The following KIF26B variants were observed in gnomAD, a reference collection of about 807,000 sequenced individuals.
The protein encoded by KIF26B is kinesin-like protein KIF26B.
A neutral mutation model predicts 151.2 loss-of-function variants in KIF26B; 63 were observed. The ratio of observed to expected loss-of-function variants is 0.42; its 90% CI spans 0.34 to 0.51. The LOEUF is 0.51. Ranked by LOEUF, KIF26B falls within the 20% of genes least tolerant of loss-of-function variation. The pLI is 0.07. For missense variants in KIF26B, 2,813 were observed against 2,913.6 expected, an observed-to-expected ratio of 0.97 and a Z score of 0.79; for synonymous variants, 1,357 against 1,262.1, an observed-to-expected ratio of 1.08 and a Z score of -1.59.
intron 2 of KIF26B, among the ~76,000 whole-genome samples, chr1:245,276,656 G>A (rs979583453): frequency 6.6e-6 from 1 of 152,178 alleles, no homozygotes; most frequent in African/African-American, 2.4e-5. Flanking sequence ...CTTACACTGT[G>A]CTGACCTGGG....
chr1:245,213,385 C>T (rs549765049), intron 2 of KIF26B, among the ~76,000 whole-genome samples: 3 of 152,328 alleles, frequency 2.0e-5, no homozygotes, highest in Non-Finnish European at 4.4e-5. Context: ...AGGGTCTGCC[C>T]ATTTCTCATG....
chr1:245,273,501 T>A (rs922171051), intron 2 of KIF26B, among the ~76,000 whole-genome samples: 1 of 152,126 alleles, frequency 6.6e-6, no homozygotes, highest in Admixed American at 6.5e-5. Flanking sequence ...GCTTCCTATT[T>A]CTCTTTTCAA....
Position 245,688,356 on chromosome 1 carries a change from G to A in KIF26B, c.5373G>A (p.Arg1791=). 1 of 1,569,820 alleles carries A rather than the reference G, an allele frequency of 6.4e-7. No homozygotes were observed. Among genetic ancestry groups the A allele is most frequent in the Non-Finnish European group, 8.6e-7 (1 of 1,166,444 alleles). The change falls in exon 12 of 15, where the codon AGG becomes AGA. Residue 1791 remains arginine, a synonymous_variant. Transcript: ENST00000407071. ...CCACGCAGTCCCTCAGCAGGAACAG[G>A]AGCTCGGGCCTGGCCTCCAAGCTTC... ...PWSTQSLSRN[R]SSGLASKLPL...
chr1:245,503,736 G>A (rs969240447), intron 4 of KIF26B, among the ~76,000 whole-genome samples: 8 of 152,234 alleles, frequency 5.3e-5, no homozygotes, highest in Non-Finnish European at 5.9e-5. Context: ...TGGACTTGGA[G>A]CTAGAACTTG....
rs370877837 is a variant in KIF26B, at chr1:245,247,319, G to A, written c.465+90636G>A. Among the ~76,000 whole-genome samples, 25 of 151,650 alleles carry A rather than the reference G, an allele frequency of 1.6e-4. No homozygotes were observed. In the South Asian group the frequency reaches 4.0e-3, roughly 24 times the overall value. On this transcript the variant is annotated intron_variant, in intron 2 of 14. Transcript: ENST00000407071. ...AAAAAAAAAAAAAAATTAGCTGGGC[G>A]TGGTGGTGCTCACCTATAATCCCAG...
intron 2 of KIF26B, among the ~76,000 whole-genome samples, chr1:245,195,699 G>A (rs1377340893): frequency 6.6e-6 from 1 of 152,178 alleles, no homozygotes; most frequent in Non-Finnish European, 1.5e-5. Flanking sequence ...GTCAGGTGTT[G>A]TTTTTCCGCC....
chr1:245,240,679 G>A (rs1172800230), intron 2 of KIF26B, among the ~76,000 whole-genome samples: 1 of 152,194 alleles, frequency 6.6e-6, no homozygotes, highest in South Asian at 2.1e-4. Context: ...CAGCAGAGAA[G>A]AGCAACAAGG....
chr1:245,369,384 G>A (rs184790628), intron 3 of KIF26B, among the ~76,000 whole-genome samples: 57 of 152,310 alleles, frequency 3.7e-4, no homozygotes, highest in East Asian at 3.1e-3. Flanking sequence ...ATAAAATGCC[G>A]GGTGACTTTC....
chr1:245,529,853 C>CAGCACAGGAAACAATCAACAAGGTGAAG (rs1393472980), intron 4 of KIF26B, among the ~76,000 whole-genome samples: 1 of 152,026 alleles, frequency 6.6e-6, no homozygotes, highest in East Asian at 1.9e-4. Context: ...AGCTGCCGCA[C>CAGCACAGGAAACAATCAACAAGGTGAAG]AGCACAGGAA....
At chr1:245,314,359 G>A (rs1254104253) in intron 2 of KIF26B, among the ~76,000 whole-genome samples, 2 of 152,198 alleles carry the variant, frequency 1.3e-5, no homozygotes, top group Non-Finnish European at 2.9e-5. Flanking sequence ...GGCCGAGGCA[G>A]GAGAATCGCT....
At chr1:245,290,656 T>C (rs967927501) in intron 2 of KIF26B, among the ~76,000 whole-genome samples, 3 of 152,212 alleles carry the variant, frequency 2.0e-5, no homozygotes, top group Non-Finnish European at 4.4e-5. Context: ...CAACCTGTTT[T>C]ATCGGCAGGG....
intron 4 of KIF26B, among the ~76,000 whole-genome samples, chr1:245,466,044 C>A (rs1278438940): frequency 3.9e-5 from 6 of 152,236 alleles, no homozygotes; most frequent in African/African-American, 1.2e-4. Context: ...ACGAGCATCT[C>A]ATGAAAACAG....
Position 245,688,762 on chromosome 1 carries a change from G to T in KIF26B, c.5779G>T (p.Gly1927Cys). Residue 1927 changes from glycine to cysteine, a missense_variant, in exon 12 of 15, where the codon GGC becomes TGC. Gly to Cys is a radical substitution (Grantham distance 159). Transcript: ENST00000407071. Reference sequence around the variant, plus strand: ...GAGCGAGAACAGCAGCTCCGTGGGCGGCAGGTGCCGGAGCCTCAAGACCCC... The same window carrying T: ...GAGCGAGAACAGCAGCTCCGTGGGCTGCAGGTGCCGGAGCCTCAAGACCCC... ...STSENSSSVG[G>C]RCRSLKTPKK... The T allele has an allele frequency of 1.9e-6, 3 of 1,599,110 alleles. No homozygotes were observed. The highest frequency in any genetic ancestry group is 2.6e-6 in the Non-Finnish European group (3 of 1,170,878).
intron 4 of KIF26B, among the ~76,000 whole-genome samples, chr1:245,509,186 A>G (rs1660782198): frequency 1.3e-5 from 2 of 152,216 alleles, no homozygotes; most frequent in South Asian, 4.1e-4. Context: ...AAAACAGCTC[A>G]TCATCCTAGA....
In KIF26B at chr1:245,646,355, G is replaced by C. The variant is rs1333218998; in HGVS notation, c.2258+75G>C. The stretch of plus-strand genomic sequence containing the variant: ...GACGCTTTGTTCAGTGCCATCTGTG[G>C]AGAGGTGTGCCACAGAGGGACAGCC... On this transcript the variant is annotated intron_variant, in intron 10 of 14. Transcript: ENST00000407071. 3 of 1,503,624 alleles carry C rather than the reference G, an allele frequency of 2.0e-6. No homozygotes were observed. The Admixed American group carries it at 5.8e-5, about 29-fold the overall frequency. 93.1% of individuals were successfully genotyped at this position (1,503,624 alleles called of 1,614,324 possible). A position where few individuals can be genotyped will look rare whatever the true frequency, so the allele number is the denominator to read the frequency against.
chr1:245,324,924 G>A (rs574039998), intron 2 of KIF26B, among the ~76,000 whole-genome samples: 124 of 151,812 alleles, frequency 8.2e-4, no homozygotes, highest in African/African-American at 2.8e-3. Context: ...GTGAAATCCC[G>A]TCTCTACTTA....
intron 2 of KIF26B, among the ~76,000 whole-genome samples, chr1:245,215,368 A>C (rs529789549): frequency 2.0e-5 from 3 of 152,174 alleles, no homozygotes; most frequent in African/African-American, 7.2e-5. Context: ...ACTGGTGTGA[A>C]GTAGATTCAG....
chr1:245,238,463 G>GT (rs1412544301), intron 2 of KIF26B, among the ~76,000 whole-genome samples: 3 of 152,126 alleles, frequency 2.0e-5, no homozygotes, highest in Admixed American at 6.5e-5. Flanking sequence ...TCCATATCGT[G>GT]TTGCAGATCA....
intron 9 of KIF26B, among the ~76,000 whole-genome samples, chr1:245,615,771 TC>T (rs1284828918): frequency 1.3e-5 from 2 of 152,230 alleles, no homozygotes; most frequent in East Asian, 3.8e-4. Context: ...GGGGGACATC[TC>T]TTCCCTCCCG....
Sources: allele counts gnomAD v4.1 joint callset (sites outside exome capture counted in the v4.1 genomes callset), GRCh38; gene constraint gnomAD v4.1.1; transcripts MANE v1.5; gene names NCBI Gene and HGNC (gene_info 2026-07-23, HGNC 2026-07-21).